The following SERPINE2 variants were observed in gnomAD, a reference collection of about 807,000 sequenced individuals.
The protein encoded by SERPINE2 is serpin family E member 2.
A neutral mutation model predicts 36.3 loss-of-function variants in SERPINE2; 14 were observed. That is an observed-to-expected ratio of 0.39 (90% CI 0.25 to 0.60). The LOEUF (loss-of-function observed/expected upper bound fraction) is 0.60, where lower values mean the gene tolerates loss of function less well. SERPINE2 is among the 20% of genes least tolerant of loss of function. The pLI is 0.57. For missense variants in SERPINE2, 418 were observed against 499.6 expected (o/e 0.84, Z 1.56); for synonymous variants, 192 against 191.8 (o/e 1.00, Z -0.01).
At chr2:223,994,259 C>T (rs924053843) in intron 3 of SERPINE2, among the ~76,000 whole-genome samples, 3 of 152,182 alleles carry the variant, frequency 2.0e-5, no homozygotes, top group African/African-American at 7.2e-5. Flanking sequence ...TTACTCCTAG[C>T]ACTACATGGA....
chr2:223,983,787 G>A (rs1411456354), intron 5 of SERPINE2, among the ~76,000 whole-genome samples: 2 of 150,250 alleles, frequency 1.3e-5, no homozygotes, highest in East Asian at 2.0e-4. Flanking sequence ...ACTGTCATCA[G>A]AGGATGCTTT....
intron 1 of SERPINE2, among the ~76,000 whole-genome samples, chr2:224,025,534 TATGACTCAC>T (rs1692153987): frequency 6.6e-6 from 1 of 152,244 alleles, no homozygotes; most frequent in African/African-American, 2.4e-5. Flanking sequence ...AAATAAACTT[TATGACTCAC>T]ATGAAATCAC....
At chr2:223,993,528 A>ATGTGTGTGTG (rs1344521820) in intron 3 of SERPINE2, among the ~76,000 whole-genome samples, 1 of 72,530 alleles carries the variant, frequency 1.4e-5, no homozygotes, top group African/African-American at 4.5e-5. Flanking sequence ...TAGCTCAAAT[A>ATGTGTGTGTG]TATGTGTGTG....
intron 1 of SERPINE2, among the ~76,000 whole-genome samples, chr2:224,023,818 CT>C (rs1191166611): frequency 1.3e-5 from 2 of 152,156 alleles, no homozygotes; most frequent in African/African-American, 4.8e-5. Context: ...ACATTCTTTT[CT>C]TTTTCAGTTC....
At position 224,035,527 on chromosome 2, in the gene SERPINE2, C is replaced by T. The variant is rs150301161; in HGVS notation, c.-23+3572G>A. 7.5e-3 allele frequency among the ~76,000 whole-genome samples: 1,141 copies of T among 152,142 alleles called. 11 individuals are homozygous for T. The highest frequency in any genetic ancestry group is 0.031 in the Middle Eastern group (9 of 294). On this transcript the variant is annotated intron_variant, in intron 1 of 8. Transcript: ENST00000409304. The stretch of plus-strand genomic sequence containing the variant: ...CCTCCCGAGTAGCTGGGATTATAGG[C>T]GCAGCTAATTTTTGTATTTTTAGTA...
chr2:224,009,080 T>A (rs1300541031), intron 1 of SERPINE2, among the ~76,000 whole-genome samples: 2 of 152,156 alleles, frequency 1.3e-5, no homozygotes, highest in Non-Finnish European at 2.9e-5. Context: ...GCGAGCCTCC[T>A]GAATCAAGCC....
At chr2:223,991,458 A>C (rs755521249) in intron 4 of SERPINE2, among the ~76,000 whole-genome samples, 19 of 152,178 alleles carry the variant, frequency 1.2e-4, no homozygotes, top group Non-Finnish European at 2.4e-4. Context: ...GTAATGTAAG[A>C]CTGCTAATGA....
At chr2:223,979,291 T>C (rs1690131378) in intron 7 of SERPINE2, 2 of 152,208 alleles carry the variant, frequency 1.3e-5, no homozygotes, top group African/African-American at 4.8e-5. Flanking sequence ...TCCTGATAGT[T>C]ACACTCAGCA....
At chr2:224,001,973 A>T in intron 1 of SERPINE2, 51 bp from the exon 2 acceptor site, 5 of 1,451,112 alleles carry the variant, frequency 3.4e-6, no homozygotes, top group South Asian at 1.4e-5. Context: ...TGGGTACTTT[A>T]CTACTTTTTT....
At chr2:224,034,337 A>T (rs543227437) in intron 1 of SERPINE2, among the ~76,000 whole-genome samples, 64 of 152,286 alleles carry the variant, frequency 4.2e-4, no homozygotes, top group Non-Finnish European at 6.8e-4. Context: ...CAGCCAGACA[A>T]TGAACACAGG....
chr2:224,029,641 C>T (rs779418165), intron 1 of SERPINE2, among the ~76,000 whole-genome samples: 1 of 152,120 alleles, frequency 6.6e-6, no homozygotes, highest in Non-Finnish European at 1.5e-5. Flanking sequence ...TGGATGCTAC[C>T]CTTGCAGAGA....
At chr2:224,020,282 G>A (rs561585431) in intron 1 of SERPINE2, among the ~76,000 whole-genome samples, 4 of 152,266 alleles carry the variant, frequency 2.6e-5, no homozygotes, top group East Asian at 1.9e-4. Flanking sequence ...GAAATGGTAC[G>A]AAGAATAGAA....
rs766470170 is a variant in SERPINE2, at chr2:223,980,380, C to T, written c.1003G>A (p.Val335Ile). 6.2e-7 allele frequency: 1 copy of T among 1,614,036 alleles called. No homozygotes were observed. The highest frequency in any genetic ancestry group is 2.2e-5 in the East Asian group (1 of 44,888). Residue 335 changes from valine to isoleucine, a missense_variant, in exon 7 of 9, where the codon GTT (valine) becomes ATT (isoleucine). By Grantham distance (29) the Val-to-Ile change is conservative (BLOSUM62 3). Coordinates refer to ENST00000409304, the MANE Select transcript of SERPINE2 (RefSeq NM_001136528.2). ...AKITRSENLH[V>I]SHILQKAKIE... ...TTTGCTTTTTGCAAGATATGAGAAA[C>T]ATGGAGGTTTTCTGACCCTGCTTCC...
rs1574843279 is a variant in SERPINE2, at chr2:224,018,304, C to T, written c.-22-16382G>A. Among the ~76,000 whole-genome samples, 3 of 152,320 alleles carry T rather than the reference C, an allele frequency of 2.0e-5. No individual in the cohort carries two copies. In the South Asian group the frequency reaches 6.2e-4, roughly 32 times the overall value. On this transcript the variant is annotated intron_variant, in intron 1 of 8. Transcript: ENST00000409304. Reference sequence around the variant, plus strand: ...CTGAAATAGGGTGGGATTATACTAACATAATTCTTTAAGAAGTTTTAGTGT... The same window carrying T: ...CTGAAATAGGGTGGGATTATACTAATATAATTCTTTAAGAAGTTTTAGTGT...
intron 4 of SERPINE2, among the ~76,000 whole-genome samples, chr2:223,985,996 T>C (rs74987656): frequency 0.017 from 2,565 of 152,280 alleles, 45 homozygotes; most frequent in Non-Finnish European, 0.024. Flanking sequence ...AGAAAGCAAG[T>C]TTCTTGCACG....
chr2:223,998,483 T>C, intron 2 of SERPINE2, 141 bp from the exon 3 acceptor site: 9 of 633,542 alleles, frequency 1.4e-5, no homozygotes, highest in South Asian at 4.0e-5. Flanking sequence ...TTTGAGAGGC[T>C]GAGGTGGGTG....
intron 1 of SERPINE2, among the ~76,000 whole-genome samples, chr2:224,002,649 C>T (rs932900784): frequency 2.4e-4 from 34 of 143,670 alleles, no homozygotes; most frequent in Middle Eastern, 3.8e-3. Context: ...TGCGCCAACT[C>T]GTCTGGCAAT....
Position 224,001,695 on chromosome 2 carries a change from G to C in SERPINE2, c.206C>G (p.Ala69Gly). ...ASVLGMLQLG[A>G]DGRTKKQLAM... Reference sequence around the variant, plus strand: ...GAGCTGCTTCTTGGTCCTGCCGTCCGCCCCCAGCTGAAGCATCCCCAGGAC... The same window carrying C: ...GAGCTGCTTCTTGGTCCTGCCGTCCCCCCCCAGCTGAAGCATCCCCAGGAC... The change falls in exon 2 of 9, where the codon GCG becomes GGG. Residue 69 changes from alanine (A) to glycine (G), a missense_variant. Transcript: ENST00000409304. 1 of 1,614,084 alleles carries C rather than the reference G, an allele frequency of 6.2e-7. No individual in the cohort carries two copies. The highest frequency in any genetic ancestry group is 1.3e-5 in the African/African-American group (1 of 75,028).
chr2:223,995,984 T>C (rs745327136), intron 3 of SERPINE2, among the ~76,000 whole-genome samples: 1 of 152,172 alleles, frequency 6.6e-6, no homozygotes, highest in Non-Finnish European at 1.5e-5. Context: ...TTTTAAAAAT[T>C]TGTGTGTGTG....
Sources: allele counts gnomAD v4.1 joint callset (sites outside exome capture counted in the v4.1 genomes callset), GRCh38; gene constraint gnomAD v4.1.1; transcripts MANE v1.5; gene names NCBI Gene and HGNC (gene_info 2026-07-23, HGNC 2026-07-21).